Variants in SLC2A8 observed in about 807,000 individuals in gnomAD.
SLC2A8 encodes solute carrier family 2 member 8.
SLC2A8 carries 53 observed loss-of-function variants against 49.2 expected under a neutral mutation model. The observed-to-expected ratio is 1.08, with a 90% CI of 0.86 to 1.35. The LOEUF (loss-of-function observed/expected upper bound fraction) is 1.35, where lower values mean the gene tolerates loss of function less well. Ranked by LOEUF, SLC2A8 falls within the 40% of genes most tolerant of loss-of-function variation. The pLI, the probability that SLC2A8 is intolerant of heterozygous loss-of-function variation, is 0.00. For missense variants in SLC2A8, 688 were observed against 671.7 expected (o/e 1.02, Z -0.27); for synonymous variants, 299 against 297.0 (o/e 1.01, Z -0.07).
intron 7 of SLC2A8, chr9:127,404,489 A>C: frequency 2.9e-6 from 1 of 340,550 alleles, no homozygotes; most frequent in African/African-American, 2.1e-5. Flanking sequence ...TGAGGCCTTC[A>C]GCAAGAGCTG....
intron 7 of SLC2A8, 25 bp downstream of exon 7, chr9:127,404,092 T>G (rs749826329): frequency 6.7e-7 from 1 of 1,491,792 alleles, no homozygotes; most frequent in Non-Finnish European, 9.0e-7. Context: ...CTGTGCAGCC[T>G]CCCCGCCATG....
In SLC2A8 at chr9:127,404,985, A is replaced by T. The variant is rs1420448516; in HGVS notation, c.1144A>T (p.Ile382Phe). 1.9e-6 allele frequency: 3 copies of T among 1,598,090 alleles called. No individual in the cohort carries two copies. Among genetic ancestry groups the T allele is most frequent in the African/African-American group, 2.7e-5 (2 of 74,672 alleles). ...WLAVGSMCLF[I>F]AGFAVGWGPI... Reference sequence around the variant, plus strand: ...GGCCGTGGGCAGCATGTGCCTCTTCATCGCCGGTAAGGGGGCCTGTGGGAG... The same window carrying T: ...GGCCGTGGGCAGCATGTGCCTCTTCTTCGCCGGTAAGGGGGCCTGTGGGAG... Residue 382 changes from isoleucine (I) to phenylalanine (F), a missense_variant, in exon 8 of 10, where the codon ATC becomes TTC. Coordinates refer to ENST00000373371, the MANE Select transcript of SLC2A8 (RefSeq NM_014580.5).
rs758374097 is a variant in SLC2A8, at chr9:127,405,098, C to G, written c.1150+107C>G. The G allele has an allele frequency of 1.1e-4, 138 of 1,255,448 alleles. No individual in the cohort carries two copies. In the Middle Eastern group the frequency reaches 1.2e-3, roughly 11 times the overall value. The allele number at this position is 1,255,448 out of a possible 1,614,324, so 77.8% of individuals were successfully genotyped here. ...TCTTCCCCAGCCTCACCTCTCCTCT[C>G]GTAAGTTCCAAGCTCTGCATTTCTA... is the stretch of plus-strand genomic sequence containing the variant. On this transcript the variant is annotated intron_variant, in intron 8 of 9. Transcript: ENST00000373371.
rs754821992 is a variant in SLC2A8 at position 127,404,894 on chromosome 9, G to A, written c.1053G>A (p.Ser351=). 24 of 1,612,604 alleles carry A rather than the reference G, an allele frequency of 1.5e-5. No individual in the cohort carries two copies. The highest frequency in any genetic ancestry group is 8.0e-5 in the African/African-American group (6 of 74,926). Residue 351 remains serine (S), a synonymous_variant, in exon 8 of 10, where the codon TCG becomes TCA. Coordinates refer to ENST00000373371, the MANE Select transcript of SLC2A8 (RefSeq NM_014580.5). ...CCCAGGGTGGCCCTGGCAACTCCTC[G>A]CACGTGGCCATCTCGGCGCCTGTCT... is the stretch of plus-strand genomic sequence containing the variant. ...KLTQGGPGNS[S]HVAISAPVSA... is the part of the protein sequence containing the mutation.
chr9:127,403,374 T>G, intron 5 of SLC2A8: 1 of 475,424 alleles, frequency 2.1e-6, no homozygotes. Flanking sequence ...GCTGGATGTG[T>G]TGGTGGTGGC....
intron 9 of SLC2A8, 23 bp downstream of exon 9, chr9:127,405,588 C>A (rs1184200138): frequency 6.2e-7 from 1 of 1,612,370 alleles, no homozygotes; most frequent in East Asian, 2.2e-5. Flanking sequence ...TCCACCAGCA[C>A]CGCGTTCGTG....
chr9:127,397,198 G>T lies in SLC2A8; in HGVS notation c.-33G>T, dbSNP rs1178431588. 7 of 1,450,970 alleles carry T rather than the reference G, an allele frequency of 4.8e-6. No individual in the cohort carries two copies. The highest frequency in any genetic ancestry group is 5.4e-6 in the Non-Finnish European group (6 of 1,110,160). 89.9% of individuals were successfully genotyped at this position (1,450,970 alleles called of 1,614,324 possible). ...TCGCAGGGCCCGTGGCGGTTCAGGC[G>T]CCAGAGCTGGCCGATCGGCGTTGGC... On this transcript the variant is annotated 5_prime_UTR_variant, in exon 1 of 10. Transcript: ENST00000373371.
intron 4 of SLC2A8, among the ~76,000 whole-genome samples, chr9:127,401,662 G>C (rs909289376): frequency 3.6e-4 from 55 of 152,314 alleles, no homozygotes; most frequent in African/African-American, 1.3e-3. Flanking sequence ...CAATTTCTGT[G>C]AGTTTCGATC....
At position 127,405,412 on chromosome 9, in the gene SLC2A8, T is replaced by C; in HGVS notation, c.1151-8T>C. 1 of 1,612,250 alleles carries C rather than the reference T, an allele frequency of 6.2e-7. No homozygotes were observed. Among genetic ancestry groups the C allele is most frequent in the Non-Finnish European group, 8.5e-7 (1 of 1,179,900 alleles). On this transcript the variant is annotated splice_region_variant and splice_polypyrimidine_tract_variant and intron_variant, in intron 8 of 9. Transcript: ENST00000373371. ...CTGATGCCTGTCTTGCCTGTCTCGC[T>C]CCCACAGGCTTTGCGGTGGGCTGGG... is the stretch of plus-strand genomic sequence containing the variant.
chr9:127,402,815 C>T, intron 5 of SLC2A8, 62 bp downstream of exon 5: 2 of 1,457,670 alleles, frequency 1.4e-6, no homozygotes, highest in East Asian at 5.0e-5. Context: ...GGTAGCACAG[C>T]CTGTTCCCAA....
At chr9:127,404,341 G>A (rs918762810) in intron 7 of SLC2A8, 1 of 399,178 alleles carries the variant, frequency 2.5e-6, no homozygotes, top group Non-Finnish European at 4.5e-6. Context: ...GGCCAGGAAG[G>A]TGAAGTGACT....
chr9:127,407,400 A>C lies in SLC2A8; in HGVS notation c.*151A>C. 1 of 994,084 alleles carries C rather than the reference A, an allele frequency of 1.0e-6. No individual in the cohort carries two copies. The highest frequency in any genetic ancestry group is 1.6e-6 in the Non-Finnish European group (1 of 633,542). 61.6% of individuals were successfully genotyped at this position (994,084 alleles called of 1,614,324 possible). ...CCTGTCATGCTCCCTCCAGCCCATG[A>C]CCCGGGGCTAGGAGGCTCACTGCCT... On this transcript the variant is annotated 3_prime_UTR_variant, in exon 10 of 10. Transcript: ENST00000373371.
At chr9:127,398,419 C>T (rs748817809) in intron 3 of SLC2A8, 1 of 711,600 alleles carries the variant, frequency 1.4e-6, no homozygotes, top group Non-Finnish European at 2.7e-6. Flanking sequence ...CTTAGCCGTG[C>T]CCCTCTTTTG....
chr9:127,402,986 G>T (rs1833349867), intron 5 of SLC2A8, among the ~76,000 whole-genome samples: 1 of 152,222 alleles, frequency 6.6e-6, no homozygotes. Flanking sequence ...CCCGAGCTTT[G>T]ACCCTTACTG....
Position 127,403,796 on chromosome 9 carries a change from A to C in SLC2A8, c.860A>C (p.Lys287Thr), listed in dbSNP as rs761168529. Residue 287 changes from lysine (K) to threonine (T), a missense_variant, in exon 6 of 10, where the codon AAG becomes ACG. By Grantham distance (78) the Lys-to-Thr change is moderately conservative. Coordinates refer to ENST00000373371, the MANE Select transcript of SLC2A8 (RefSeq NM_014580.5). ...GCAGAGACCATCTTTGAAGAGGCCA[A>C]GTTCAAGGTAAAAGGGCCCTGCCTG... is the stretch of plus-strand genomic sequence containing the variant. ...FYAETIFEEA[K>T]FKDSSLASVV... 132 of 1,612,530 alleles carry C rather than the reference A, an allele frequency of 8.2e-5. No individual in the cohort carries two copies. The highest frequency in any genetic ancestry group is 6.7e-5 in the Admixed American group (4 of 59,962).
At chr9:127,398,212 G>A (rs1833122418) in intron 3 of SLC2A8, 101 bp downstream of exon 3, 1 of 1,239,308 alleles carries the variant, frequency 8.1e-7, no homozygotes, top group African/African-American at 1.5e-5. Context: ...CCCCCTGGCG[G>A]GACCTTCTGG....
At chr9:127,397,661 C>A (rs532371218) in intron 2 of SLC2A8, 123 bp downstream of exon 2, 7 of 1,294,130 alleles carry the variant, frequency 5.4e-6, no homozygotes, top group Non-Finnish European at 6.0e-6. Context: ...CCGCCACCAC[C>A]TTTCCCCACG....
Position 127,399,845 on chromosome 9 carries a change from T to C in SLC2A8, c.427-62T>C. 3.5e-6 allele frequency: 5 copies of C among 1,428,010 alleles called. No individual in the cohort carries two copies. The highest frequency in any genetic ancestry group is 4.9e-6 in the Non-Finnish European group (5 of 1,016,004). The allele number at this position is 1,428,010 out of a possible 1,614,324, so 88.5% of individuals were successfully genotyped here. On this transcript the variant is annotated intron_variant, in intron 3 of 9. Coordinates refer to ENST00000373371, the MANE Select transcript of SLC2A8 (RefSeq NM_014580.5). The surrounding 1 kb of genome is among the most constrained non-coding windows in gnomAD (Gnocchi z 4.2). The stretch of plus-strand genomic sequence containing the variant: ...ATCTGCCCGCCTCGGCCTCCCAGAG[T>C]GCTGGGATTGCAGGCATGAGCCACT...
At chr9:127,400,322 T>G (rs1833234834) in intron 4 of SLC2A8, among the ~76,000 whole-genome samples, 1 of 152,090 alleles carries the variant, frequency 6.6e-6, no homozygotes, top group Non-Finnish European at 1.5e-5. Flanking sequence ...CACACCTGGC[T>G]AATTGTTTGT....
Sources: allele counts gnomAD v4.1 joint callset (sites outside exome capture counted in the v4.1 genomes callset), GRCh38; gene constraint gnomAD v4.1.1; non-coding constraint Gnocchi (gnomAD v3.1); transcripts MANE v1.5; gene names NCBI Gene and HGNC (gene_info 2026-07-23, HGNC 2026-07-21).